Variants in MPZ observed in about 807,000 individuals in gnomAD.
MPZ encodes myelin protein zero.
Under a neutral mutation model 27.9 loss-of-function variants are expected in MPZ, and 13 were observed. The ratio of observed to expected loss-of-function variants is 0.47; its 90% CI spans 0.30 to 0.74. The LOEUF is 0.74. MPZ is among the 30% of genes least tolerant of loss of function. The pLI is 0.06. For missense variants in MPZ, 256 were observed against 317.5 expected, an observed-to-expected ratio of 0.81 and a Z score of 1.47; for synonymous variants, 118 against 128.9, an observed-to-expected ratio of 0.92 and a Z score of 0.57.
At chr1:161,306,222 C>A (rs572086690) in intron 4 of MPZ, 54 bp from the exon 5 acceptor site, 1 of 1,611,860 alleles carries the variant, frequency 6.2e-7, no homozygotes. Context: ...CCTTGCACCG[C>A]GGACACAGCT....
intron 2 of MPZ, 41 bp downstream of exon 2, chr1:161,307,217 A>C (rs756868414): frequency 4.0e-5 from 65 of 1,613,206 alleles, no homozygotes; most frequent in Non-Finnish European, 5.5e-5. Context: ...TCTTTGAAGC[A>C]CTTTCTGTTA....
rs770430402 is a variant in MPZ, at chr1:161,306,859, G to A, written c.297C>T (p.Ile99=). 7 of 1,613,852 alleles carry A rather than the reference G, an allele frequency of 4.3e-6. No homozygotes were observed. The highest frequency in any genetic ancestry group is 5.9e-6 in the Non-Finnish European group (7 of 1,180,006). ...IDEVGTFKER[I]QWVGDPRWKD... ...TCCAGCGAGGGTCCCCTACCCACTG[G>A]ATGCGCTCTTTGAAGGTCCCCACCT... The change falls in exon 3 of 6, where the codon ATC becomes ATT. Residue 99 remains isoleucine (I), a synonymous_variant. Transcript: ENST00000533357.
chr1:161,305,768 C>T lies in MPZ; in HGVS notation c.*108G>A. 1.2e-6 allele frequency: 1 copy of T among 804,302 alleles called. No individual in the cohort carries two copies. Among genetic ancestry groups the T allele is most frequent in the Non-Finnish European group, 2.0e-6 (1 of 501,448 alleles). 49.8% of individuals were successfully genotyped at this position (804,302 alleles called of 1,614,324 possible). A position where few individuals can be genotyped will look rare whatever the true frequency, so the allele number is the denominator to read the frequency against. ...TGGGGGACTTGACAGCAGGCCGGAG[C>T]TCCGGGCTCTGCTCATCCTTTCGTA... is the stretch of plus-strand genomic sequence containing the variant. On this transcript the variant is annotated 3_prime_UTR_variant, in exon 6 of 6. Coordinates refer to ENST00000533357, the MANE Select transcript of MPZ (RefSeq NM_000530.8).
chr1:161,304,262 C>T (rs569861081), downstream of MPZ, among the ~76,000 whole-genome samples: 3 of 152,220 alleles, frequency 2.0e-5, no homozygotes, highest in African/African-American at 7.2e-5. Flanking sequence ...ATATTGAACA[C>T]CTTAATATTT....
At chr1:161,303,664 G>A (rs188092930), downstream of MPZ, among the ~76,000 whole-genome samples, 116 of 152,250 alleles carry the variant, frequency 7.6e-4, no homozygotes, top group African/African-American at 2.6e-3. Context: ...TGACAGTCTG[G>A]GAAGTTTAAG....
intron 1 of MPZ, 116 bp downstream of exon 1, chr1:161,309,723 C>T (rs1670356910): frequency 2.3e-6 from 2 of 875,488 alleles, no homozygotes; most frequent in South Asian, 1.4e-5. Context: ...ATAATGTCAC[C>T]TTCCTGCTCC....
intron 1 of MPZ, among the ~76,000 whole-genome samples, chr1:161,308,166 T>C (rs566878039): frequency 2.0e-5 from 3 of 152,310 alleles, no homozygotes; most frequent in African/African-American, 7.2e-5. Flanking sequence ...TGAAGATAAC[T>C]AGAAAATATA....
At position 161,306,890 on chromosome 1, in the gene MPZ, A is replaced by G. The variant is rs267607244; in HGVS notation, c.266T>C (p.Ile89Thr). Reference protein sequence around the residue: ...IFHYAKGQPYIDEVGTFKERI... With the variant: ...IFHYAKGQPYTDEVGTFKERI... ...CTCTTTGAAGGTCCCCACCTCGTCA[A>G]TGTAGGGTTGTCCCTTGGCATAGTG... Residue 89 changes from isoleucine (I) to threonine (T), a missense_variant, in exon 3 of 6, where the codon ATT (isoleucine) becomes ACT (threonine). Ile to Thr is a moderately conservative substitution (Grantham distance 89, BLOSUM62 -1). This residue lies in a region of MPZ where 155 missense variants were observed against 223.9 expected (regional missense o/e 0.69). Transcript: ENST00000533357. 1 of 1,613,598 alleles carries G rather than the reference A, an allele frequency of 6.2e-7. No homozygotes were observed.
intron 1 of MPZ, among the ~76,000 whole-genome samples, chr1:161,308,084 G>A (rs1175154138): frequency 6.6e-6 from 1 of 152,136 alleles, no homozygotes; most frequent in East Asian, 1.9e-4. Flanking sequence ...TTGATTCATA[G>A]ATATCAATCT....
downstream of MPZ, among the ~76,000 whole-genome samples, chr1:161,304,370 A>G (rs1405682147): frequency 3.3e-5 from 5 of 152,246 alleles, no homozygotes; most frequent in Non-Finnish European, 5.9e-5. Flanking sequence ...AGATATCATT[A>G]TCTCAGTTGT....
Position 161,305,542 on chromosome 1 carries a change from T to C in MPZ, c.*334A>G, listed in dbSNP as rs1040590363. 5 of 329,972 alleles carry C rather than the reference T, an allele frequency of 1.5e-5. No individual in the cohort carries two copies. The East Asian group carries it at 3.1e-4, about 21-fold the overall frequency. The allele number at this position is 329,972 out of a possible 1,614,324, so 20.4% of individuals were successfully genotyped here. ...GGGGAGAATACAATTGCCTGGGGAA[T>C]GAATTCTGGAATGAAACTTACATCT... On this transcript the variant is annotated 3_prime_UTR_variant, in exon 6 of 6. Transcript: ENST00000533357.
chr1:161,305,529 A>C lies in MPZ; in HGVS notation c.*347T>G, dbSNP rs1462947394. The stretch of plus-strand genomic sequence containing the variant: ...AGGGGTGAAGGTGGGGGAGAATACA[A>C]TTGCCTGGGGAATGAATTCTGGAAT... On this transcript the variant is annotated 3_prime_UTR_variant, in exon 6 of 6. Coordinates refer to ENST00000533357, the MANE Select transcript of MPZ (RefSeq NM_000530.8). 2 of 304,810 alleles carry C rather than the reference A, an allele frequency of 6.6e-6. No homozygotes were observed. Among genetic ancestry groups the C allele is most frequent in the African/African-American group, 2.2e-5 (1 of 45,654 alleles). 18.9% of individuals were successfully genotyped at this position (304,810 alleles called of 1,614,324 possible). A position where few individuals can be genotyped will look rare whatever the true frequency, so the allele number is the denominator to read the frequency against.
At chr1:161,306,291 T>G (rs1427051033) in intron 4 of MPZ, 38 bp downstream of exon 4, 1 of 1,613,696 alleles carries the variant, frequency 6.2e-7, no homozygotes, top group African/African-American at 1.3e-5. Flanking sequence ...TGGGGGATAG[T>G]GGGGAGAGGG....
chr1:161,309,496 CCT>C (rs1670343333), intron 1 of MPZ, among the ~76,000 whole-genome samples: 1 of 145,692 alleles, frequency 6.9e-6, no homozygotes, highest in African/African-American at 2.6e-5. Flanking sequence ...TAAAATAAAA[CCT>C]CTACTTCCTC....
Position 161,305,896 on chromosome 1 carries a change from A to T in MPZ, c.727T>A (p.Ser243Thr). 6.2e-7 allele frequency: 1 copy of T among 1,612,026 alleles called. No individual in the cohort carries two copies. The change falls in exon 6 of 6, where the codon TCT becomes ACT. Residue 243 changes from serine (S) to threonine (T), a missense_variant. Physicochemically the swap from Ser to Thr is moderately conservative, Grantham distance 58. Around this residue, in one of 2 missense-constraint regions of MPZ, gnomAD observed 101 missense variants for 93.6 expected, o/e 1.08. Transcript: ENST00000533357. The stretch of plus-strand genomic sequence containing the variant: ...AACCGCTATTTCTTATCCTTGCGAG[A>T]CTCCCCCAGCCCCTTGGCCTTCTTC... ...SEKKAKGLGE[S>T]RKDKK
chr1:161,307,717 G>A (rs1222011815), intron 1 of MPZ, among the ~76,000 whole-genome samples: 2 of 152,154 alleles, frequency 1.3e-5, no homozygotes, highest in Non-Finnish European at 2.9e-5. Flanking sequence ...TCTCCTTTGG[G>A]TCAGTATCTA....
At chr1:161,309,749 TG>T in intron 1 of MPZ, 89 bp downstream of exon 1, 1 of 1,022,294 alleles carries the variant, frequency 9.8e-7, no homozygotes, top group East Asian at 2.6e-5. Flanking sequence ...GTTCTTTCTT[TG>T]GTTGCAGTGG....
In MPZ at chr1:161,306,508, G is replaced by C. The variant is rs372369190; in HGVS notation, c.449-44C>G. ...GAAGTGGGAGAATGAGCAGGGCCCTGTATCTGTGGTTCCTAGTCCGAGTGT... is the reference window on the plus strand; with the variant it reads ...GAAGTGGGAGAATGAGCAGGGCCCTCTATCTGTGGTTCCTAGTCCGAGTGT... On this transcript the variant is annotated intron_variant, in intron 3 of 5. Transcript: ENST00000533357. The C allele has an allele frequency of 3.8e-5, 61 of 1,613,488 alleles. No individual in the cohort carries two copies. The African/African-American group carries it at 6.4e-4, about 17-fold the overall frequency.
In MPZ at chr1:161,304,932, C is replaced by G. The variant is rs1670191572; in HGVS notation, c.*944G>C. On this transcript the variant is annotated 3_prime_UTR_variant, in exon 6 of 6. Coordinates refer to ENST00000533357, the MANE Select transcript of MPZ (RefSeq NM_000530.8). ...AAACCATTTCTTAAGGCTCATTTGC[C>G]CCCTCCCCCACTCCCTGACCTATGA... The G allele has an allele frequency of 7.0e-6, 1 of 142,466 alleles. No homozygotes were observed. The highest frequency in any genetic ancestry group is 2.6e-5 in the African/African-American group (1 of 38,496). 8.8% of individuals were successfully genotyped at this position (142,466 alleles called of 1,614,324 possible).
Sources: allele counts gnomAD v4.1 joint callset (sites outside exome capture counted in the v4.1 genomes callset), GRCh38; gene constraint gnomAD v4.1.1; regional missense constraint gnomAD v4.1.1; transcripts MANE v1.5; gene names NCBI Gene and HGNC (gene_info 2026-07-23, HGNC 2026-07-21).